NCOA3: variants seen among roughly 807,000 people sequenced by gnomAD.
The protein encoded by NCOA3 is CBP-interacting protein.
A neutral mutation model predicts 158.8 loss-of-function variants in NCOA3; 51 were observed. The ratio of observed to expected loss-of-function variants is 0.32; its 90% CI spans 0.26 to 0.41. NCOA3 has a LOEUF of 0.41. Among genes scored for constraint, NCOA3 ranks in the 10% least tolerant of loss-of-function variants. NCOA3 has a pLI of 1.00. For missense variants in NCOA3, 1,510 were observed against 1,746.6 expected, an observed-to-expected ratio of 0.86 and a Z score of 2.41; for synonymous variants, 537 against 592.4, an observed-to-expected ratio of 0.91 and a Z score of 1.36.
chr20:47,541,913 AT>A (rs755503972), intron 1 of NCOA3, among the ~76,000 whole-genome samples: 8 of 150,770 alleles, frequency 5.3e-5, no homozygotes, highest in Non-Finnish European at 1.0e-4. Context: ...AGACATTGCA[AT>A]TTGGTTTTTA....
Position 47,656,757 on chromosome 20 carries a change from A to ATTCT in NCOA3, c.*3343_*3346dup, listed in dbSNP as rs1269655407. ...TATGTTGCTTAAAAAAATAGAAATT[A>ATTCT]TTCTTTATCTTGCAAAGAATTGAAA... is the stretch of plus-strand genomic sequence containing the variant. On this transcript the variant is annotated 3_prime_UTR_variant, in exon 23 of 23. Coordinates refer to ENST00000371998, the MANE Select transcript of NCOA3 (RefSeq NM_181659.3). The ATTCT allele has an allele frequency of 2.0e-5, 3 of 152,518 alleles. No individual in the cohort carries two copies. The highest frequency in any genetic ancestry group is 2.9e-5 in the Non-Finnish European group (2 of 68,010). The allele number at this position is 152,518 out of a possible 1,614,324, so 9.4% of individuals were successfully genotyped here. A position where few individuals can be genotyped will look rare whatever the true frequency, so the allele number is the denominator to read the frequency against.
intron 2 of NCOA3, among the ~76,000 whole-genome samples, chr20:47,587,909 C>G (rs2085560991): frequency 6.6e-6 from 1 of 151,818 alleles, no homozygotes; most frequent in Non-Finnish European, 1.5e-5. Flanking sequence ...TGTGGGAATC[C>G]TGACTCTCAA....
At chr20:47,590,925 C>T (rs763007314) in intron 2 of NCOA3, among the ~76,000 whole-genome samples, 3 of 152,160 alleles carry the variant, frequency 2.0e-5, no homozygotes, top group East Asian at 3.9e-4. Flanking sequence ...GCCTGACCAA[C>T]GTGGTGAAAC....
intron 2 of NCOA3, among the ~76,000 whole-genome samples, chr20:47,611,005 C>T (rs1416675665): frequency 6.6e-6 from 1 of 152,152 alleles, no homozygotes. Context: ...CATTCCCCCT[C>T]TTCATTGTTT....
intron 1 of NCOA3, among the ~76,000 whole-genome samples, chr20:47,525,970 G>A (rs1217427447): frequency 6.6e-6 from 1 of 151,498 alleles, no homozygotes; most frequent in Admixed American, 6.6e-5. Context: ...CGGACAAGGT[G>A]GCTGCTGGGC....
In NCOA3 at chr20:47,548,197, T is replaced by C. The variant is rs147254997; in HGVS notation, c.-98-34986T>C. ...GTCATATATATAAGAGAATTTCTTATTTGTTTTCTTACTCTCTAAGCCTAA... is the reference window on the plus strand; with the variant it reads ...GTCATATATATAAGAGAATTTCTTACTTGTTTTCTTACTCTCTAAGCCTAA... On this transcript the variant is annotated intron_variant, in intron 1 of 22. Transcript: ENST00000371998. Among the ~76,000 whole-genome samples the C allele has an allele frequency of 5.0e-3, 758 of 151,954 alleles. 7 individuals carry two copies. Among genetic ancestry groups the C allele is most frequent in the African/African-American group, 0.017 (713 of 41,416 alleles).
intron 1 of NCOA3, among the ~76,000 whole-genome samples, chr20:47,532,517 T>A (rs1331302686): frequency 1.3e-5 from 2 of 152,184 alleles, no homozygotes; most frequent in African/African-American, 4.8e-5. Flanking sequence ...CATTATTTTC[T>A]TTTTGAGATG....
chr20:47,560,968 C>CTTTTTT (rs11481985), intron 1 of NCOA3, among the ~76,000 whole-genome samples: 53 of 101,106 alleles, frequency 5.2e-4, no homozygotes, highest in Admixed American at 8.3e-4. Flanking sequence ...ATCCCTCATT[C>CTTTTTT]TTTTTTTTTT....
At chr20:47,526,204 G>T (rs1034051500) in intron 1 of NCOA3, among the ~76,000 whole-genome samples, 2 of 151,794 alleles carry the variant, frequency 1.3e-5, no homozygotes, top group Admixed American at 1.3e-4. Flanking sequence ...AGATGTGATG[G>T]CGGCCGGGAA....
intron 2 of NCOA3, among the ~76,000 whole-genome samples, chr20:47,613,529 C>T (rs1284815149): frequency 1.3e-5 from 2 of 149,714 alleles, no homozygotes; most frequent in Non-Finnish European, 3.0e-5. Context: ...TATACTTTAT[C>T]CTACAAAACA....
chr20:47,520,493 T>C (rs2084311717), intron 1 of NCOA3, among the ~76,000 whole-genome samples: 1 of 152,202 alleles, frequency 6.6e-6, no homozygotes, highest in South Asian at 2.1e-4. Context: ...AATATTTTCC[T>C]TACTACCGGA....
At chr20:47,551,021 TAATAA>T (rs1181655684) in intron 1 of NCOA3, among the ~76,000 whole-genome samples, 1 of 152,118 alleles carries the variant, frequency 6.6e-6, no homozygotes, top group Admixed American at 6.6e-5. Flanking sequence ...AGATATAGGA[TAATAA>T]AATACATTCA....
intron 1 of NCOA3, among the ~76,000 whole-genome samples, chr20:47,572,091 C>G (rs549855361): frequency 6.6e-6 from 1 of 152,276 alleles, no homozygotes; most frequent in East Asian, 1.9e-4. Context: ...CCTCTTCTAA[C>G]TTTTCTTCAG....
At chr20:47,636,849 T>G in intron 12 of NCOA3, 87 bp downstream of exon 12, 1 of 1,271,092 alleles carries the variant, frequency 7.9e-7, no homozygotes, top group Non-Finnish European at 1.1e-6. Context: ...CATTTTAGGT[T>G]TATTTAAAGA....
Position 47,647,295 on chromosome 20 carries a change from A to C in NCOA3, c.3475A>C (p.Ile1159Leu), listed in dbSNP as rs779130619. 6.2e-6 allele frequency: 10 copies of C among 1,614,096 alleles called. No homozygotes were observed. The Admixed American group carries it at 1.7e-4, about 27-fold the overall frequency. Residue 1159 changes from isoleucine to leucine, a missense_variant, in exon 18 of 23, where the codon ATC becomes CTC. Coordinates refer to ENST00000371998, the MANE Select transcript of NCOA3 (RefSeq NM_181659.3). ...PLQGMHPRAN[I>L]MRPRTNTPKQ... ...CCAAGGAATGCACCCACGAGCCAAC[A>C]TCATGAGACCCCGGACAAACACCCC...
Position 47,542,009 on chromosome 20 carries a change from GT to G in NCOA3, c.-99+40011del, listed in dbSNP as rs755173294. ...ATCAAATTATTTTTTGCCCTGTAGA[GT>G]TTTTTTTTTTTTTTTTTTTTGTTGT... On this transcript the variant is annotated intron_variant, in intron 1 of 22. Coordinates refer to ENST00000371998, the MANE Select transcript of NCOA3 (RefSeq NM_181659.3). Among the ~76,000 whole-genome samples the G allele has an allele frequency of 5.0e-3, 282 of 56,362 alleles. 2 individuals are homozygous for G. The highest frequency in any genetic ancestry group is 0.026 in the East Asian group (59 of 2,300). 37.0% of individuals were successfully genotyped at this position (56,362 alleles called of 152,430 possible).
intron 20 of NCOA3, 98 bp from the exon 21 acceptor site, chr20:47,652,308 C>G: frequency 2.0e-6 from 2 of 999,930 alleles, no homozygotes; most frequent in Non-Finnish European, 3.0e-6. Context: ...CCTCCACCCC[C>G]ACCTCCTTTA....
intron 1 of NCOA3, among the ~76,000 whole-genome samples, chr20:47,522,644 G>T (rs531901443): frequency 2.8e-4 from 42 of 152,072 alleles, no homozygotes; most frequent in East Asian, 1.4e-3. Context: ...CGCGTAGCCC[G>T]TGAAAAAGCT....
intron 22 of NCOA3, 38 bp from the exon 23 acceptor site, chr20:47,653,368 A>ATTTTTTTTTTTTTTTTTTTTT: frequency 7.2e-7 from 1 of 1,389,736 alleles, no homozygotes; most frequent in Non-Finnish European, 9.6e-7. Flanking sequence ...TGTTTTACTC[A>ATTTTTTTTTTTTTTTTTTTTT]TTTTTTTTTT....
Sources: gnomAD v4.1 joint callset for allele counts (sites outside exome capture counted in the v4.1 genomes callset) on GRCh38, gnomAD v4.1.1 for gene constraint, MANE v1.5 for transcripts, NCBI Gene and HGNC (gene_info 2026-07-23, HGNC 2026-07-21) for gene names.